Variants in RAP1GDS1 observed in about 807,000 individuals in gnomAD.
The protein encoded by RAP1GDS1 is Rap1 GTPase-GDP dissociation stimulator 1.
In RAP1GDS1, 35 loss-of-function variants were observed where a neutral mutation model predicts 71.1. That is an observed-to-expected ratio of 0.49 (90% CI 0.38 to 0.65). The LOEUF is 0.65. Among genes scored for constraint, RAP1GDS1 ranks in the 30% least tolerant of loss-of-function variants. RAP1GDS1 has a pLI of 0.00. For missense variants in RAP1GDS1, 663 were observed against 706.1 expected, an observed-to-expected ratio of 0.94 and a Z score of 0.69; for synonymous variants, 229 against 243.1, an observed-to-expected ratio of 0.94 and a Z score of 0.54.
Position 98,421,317 on chromosome 4 carries a change from G to C in RAP1GDS1, c.1363G>C (p.Glu455Gln). 6.2e-7 allele frequency: 1 copy of C among 1,612,542 alleles called. No individual in the cohort carries two copies. The highest frequency in any genetic ancestry group is 8.5e-7 in the Non-Finnish European group (1 of 1,179,036). ...KLVERLVEWC[E>Q]AKDHAGVMGE... The stretch of plus-strand genomic sequence containing the variant: ...AGTGGAGCGTTTGGTGGAATGGTGT[G>C]AAGCCAAAGATCATGCTGGTGTGAT... Residue 455 changes from glutamate (E) to glutamine (Q), a missense_variant, in exon 12 of 15, where the codon GAA (glutamate) becomes CAA (glutamine). Transcript: ENST00000408927.
chr4:98,372,044 G>A (rs1331994048), intron 4 of RAP1GDS1, among the ~76,000 whole-genome samples: 1 of 151,968 alleles, frequency 6.6e-6, no homozygotes, highest in Non-Finnish European at 1.5e-5. Flanking sequence ...ACAAAGGCGG[G>A]TTTATTTCCG....
intron 2 of RAP1GDS1, among the ~76,000 whole-genome samples, chr4:98,324,694 G>A (rs1452495627): frequency 7.0e-6 from 1 of 142,226 alleles, no homozygotes; most frequent in Non-Finnish European, 1.5e-5. Context: ...TTAATAAATG[G>A]TGCTGGGAAA....
chr4:98,419,768 A>G (rs12505246), intron 10 of RAP1GDS1, among the ~76,000 whole-genome samples: 22,125 of 152,168 alleles, frequency 0.15, 2,365 homozygotes, highest in African/African-American at 0.3. Context: ...TTTGGATTGG[A>G]TCTAAAAAGC....
chr4:98,417,397 G>A lies in RAP1GDS1; in HGVS notation c.938G>A (p.Gly313Glu). 6.2e-7 allele frequency: 1 copy of A among 1,612,762 alleles called. No individual in the cohort carries two copies. Among genetic ancestry groups the A allele is most frequent in the Non-Finnish European group, 8.5e-7 (1 of 1,178,940 alleles). ...DESMQKLFEGGKGSVFQRVLS... is the reference protein window; with the variant it reads ...DESMQKLFEGEKGSVFQRVLS... ...TCCATGCAGAAGTTATTTGAAGGAG[G>A]AAAAGGTAGTGTATTTCAAAGGGTA... Residue 313 changes from glycine (G) to glutamate (E), a missense_variant, in exon 9 of 15, where the codon GGA becomes GAA. Gly to Glu is a moderately conservative substitution (Grantham distance 98, BLOSUM62 -2). Transcript: ENST00000408927.
At chr4:98,380,195 C>T (rs1156727710) in intron 5 of RAP1GDS1, among the ~76,000 whole-genome samples, 1 of 151,478 alleles carries the variant, frequency 6.6e-6, no homozygotes, top group Non-Finnish European at 1.5e-5. Flanking sequence ...AGCCCTTGTC[C>T]TATTGAAAGG....
intron 8 of RAP1GDS1, among the ~76,000 whole-genome samples, 199 bp from the exon 9 acceptor site, chr4:98,417,168 A>G (rs1315493454): frequency 7.2e-5 from 11 of 152,176 alleles, no homozygotes; most frequent in Admixed American, 6.5e-4. Context: ...GCTCCCTGGG[A>G]CTTGGACTAG....
At chr4:98,421,220 G>A (rs1373017818) in intron 11 of RAP1GDS1, 35 bp from the exon 12 acceptor site, 1 of 1,562,982 alleles carries the variant, frequency 6.4e-7, no homozygotes, top group East Asian at 2.3e-5. Flanking sequence ...TTGTCTGTTA[G>A]TGATTCATTC....
At chr4:98,433,004 T>C (rs1270461638) in intron 12 of RAP1GDS1, among the ~76,000 whole-genome samples, 1 of 151,946 alleles carries the variant, frequency 6.6e-6, no homozygotes, top group Non-Finnish European at 1.5e-5. Context: ...TCCAGTGACA[T>C]GGAGATAGTA....
chr4:98,299,829 C>G (rs1728313407), intron 2 of RAP1GDS1, among the ~76,000 whole-genome samples: 1 of 151,730 alleles, frequency 6.6e-6, no homozygotes, highest in Non-Finnish European at 1.5e-5. Flanking sequence ...CCATATTGGC[C>G]AGGTTGGTCT....
chr4:98,351,382 G>A (rs1394336915), intron 3 of RAP1GDS1, among the ~76,000 whole-genome samples: 1 of 152,112 alleles, frequency 6.6e-6, no homozygotes, highest in Non-Finnish European at 1.5e-5. Flanking sequence ...TGTCTCAGAG[G>A]TGACAGCTGA....
chr4:98,379,105 C>T lies in RAP1GDS1; in HGVS notation c.450C>T (p.Ala150=). The T allele has an allele frequency of 6.2e-7, 1 of 1,610,690 alleles. No individual in the cohort carries two copies. ...LRSLCSITDP[A]NEKLLTVFCG... ...CACTGTGCAGTATAACAGATCCCGC[C>T]AATGAGAAGCTCTTGACTGTCTTTT... Residue 150 remains alanine (A), a synonymous_variant, in exon 5 of 15, where the codon GCC becomes GCT. Transcript: ENST00000408927.
intron 4 of RAP1GDS1, among the ~76,000 whole-genome samples, chr4:98,363,468 G>T (rs923588567): frequency 4.3e-5 from 4 of 92,052 alleles, no homozygotes; most frequent in African/African-American, 2.1e-4. Context: ...ATAACAGTGA[G>T]ACCCTGTCTC....
At chr4:98,301,731 G>A (rs1022235970) in intron 2 of RAP1GDS1, among the ~76,000 whole-genome samples, 3 of 152,066 alleles carry the variant, frequency 2.0e-5, no homozygotes, top group Non-Finnish European at 4.4e-5. Flanking sequence ...AAAATAGTGC[G>A]ATCTGGTCTT....
chr4:98,408,616 T>G (rs1467710702), intron 7 of RAP1GDS1, among the ~76,000 whole-genome samples: 2 of 152,252 alleles, frequency 1.3e-5, no homozygotes, highest in Non-Finnish European at 2.9e-5. Flanking sequence ...TAAAGGCTAG[T>G]CTCACCATGA....
At chr4:98,290,030 T>TG (rs1292249427) in intron 1 of RAP1GDS1, among the ~76,000 whole-genome samples, 1 of 152,062 alleles carries the variant, frequency 6.6e-6, no homozygotes, top group Non-Finnish European at 1.5e-5. Context: ...AAAAATGTCT[T>TG]GAACTTTTAC....
chr4:98,332,950 A>G (rs1220179896), intron 2 of RAP1GDS1, among the ~76,000 whole-genome samples: 2 of 152,168 alleles, frequency 1.3e-5, no homozygotes, highest in Admixed American at 6.5e-5. Context: ...CGTGAGCTGC[A>G]TAGACCTTTG....
intron 2 of RAP1GDS1, among the ~76,000 whole-genome samples, chr4:98,317,933 C>T (rs550787435): frequency 7.1e-4 from 108 of 151,108 alleles, no homozygotes; most frequent in Middle Eastern, 6.8e-3. Context: ...CCCTCTGCCT[C>T]CTGGGTTCAA....
At chr4:98,400,528 T>TAAAAAAAAAAAAA (rs774732053) in intron 6 of RAP1GDS1, among the ~76,000 whole-genome samples, 1 of 74,382 alleles carries the variant, frequency 1.3e-5, no homozygotes, top group African/African-American at 4.4e-5. Context: ...TTTATAGAAG[T>TAAAAAAAAAAAAA]AAAAAAAAAA....
At chr4:98,329,782 C>A (rs1733663902) in intron 2 of RAP1GDS1, among the ~76,000 whole-genome samples, 1 of 135,272 alleles carries the variant, frequency 7.4e-6, no homozygotes, top group South Asian at 2.3e-4. Context: ...GTGTGAGACT[C>A]CATCTCAAAA....
Sources: gnomAD v4.1 joint callset for allele counts (sites outside exome capture counted in the v4.1 genomes callset) on GRCh38, gnomAD v4.1.1 for gene constraint, MANE v1.5 for transcripts, NCBI Gene and HGNC (gene_info 2026-07-23, HGNC 2026-07-21) for gene names.